Variants in RPS6KC1 observed in about 807,000 individuals in gnomAD.
RPS6KC1 encodes the protein inactive ribosomal protein S6 kinase delta-1.
In RPS6KC1, 54 loss-of-function variants were observed where a neutral mutation model predicts 103.8. The ratio of observed to expected loss-of-function variants is 0.52; its 90% CI spans 0.42 to 0.65. The LOEUF (loss-of-function observed/expected upper bound fraction) is 0.65. Ranked by LOEUF, RPS6KC1 falls within the 30% of genes least tolerant of loss-of-function variation. RPS6KC1 has a pLI of 0.00. For synonymous variants in RPS6KC1, 439 were observed against 438.7 expected, an observed-to-expected ratio of 1.00 and a Z score of -0.01; for missense variants, 1,151 against 1,253.8, an observed-to-expected ratio of 0.92 and a Z score of 1.24.
the RPS6KC1 span, among the ~76,000 whole-genome samples, chr1:213,862,235 A>G: frequency 2.0e-5 from 3 of 152,238 alleles, no homozygotes; most frequent in Non-Finnish European, 2.9e-5. Context: ...GTGGAAATGA[A>G]GAGGATCGTG....
chr1:213,777,237 G>A, the RPS6KC1 span, among the ~76,000 whole-genome samples: 1 of 152,122 alleles, frequency 6.6e-6, no homozygotes, highest in Non-Finnish European at 1.5e-5. Flanking sequence ...TTTGGCGTTT[G>A]TTGGCATTTG....
At chr1:213,675,529 G>A in the RPS6KC1 span, among the ~76,000 whole-genome samples, 16,570 of 152,136 alleles carry the variant, frequency 0.11, 1,093 homozygotes, top group Non-Finnish European at 0.14. Context: ...ATTTTTGTTG[G>A]TCTTACCCCT....
chr1:213,207,605 C>G (rs2093386591), intron 8 of RPS6KC1, among the ~76,000 whole-genome samples: 1 of 152,016 alleles, frequency 6.6e-6, no homozygotes, highest in Non-Finnish European at 1.5e-5. Context: ...TCATTTGTCC[C>G]TTCTTAGAGT....
At chr1:213,636,384 C>T in the RPS6KC1 span, among the ~76,000 whole-genome samples, 1 of 152,150 alleles carries the variant, frequency 6.6e-6, no homozygotes, top group African/African-American at 2.4e-5. Context: ...GCTACAGTAA[C>T]CAAAACAGCA....
chr1:213,359,009 A>T, the RPS6KC1 span, among the ~76,000 whole-genome samples: 6 of 152,132 alleles, frequency 3.9e-5, no homozygotes, highest in Non-Finnish European at 8.8e-5. Flanking sequence ...CTGTGGTGTG[A>T]TGCTGAGAAG....
At chr1:213,407,426 C>G in the RPS6KC1 span, among the ~76,000 whole-genome samples, 2 of 152,118 alleles carry the variant, frequency 1.3e-5, no homozygotes, top group African/African-American at 4.8e-5. Flanking sequence ...GAAGAAGGGA[C>G]TGAGAGTGAG....
the RPS6KC1 span, among the ~76,000 whole-genome samples, chr1:213,425,203 C>T: frequency 1.3e-5 from 2 of 152,162 alleles, no homozygotes; most frequent in Admixed American, 6.5e-5. Context: ...ATAACAACAG[C>T]AGCAGCTCTC....
At chr1:213,073,729 G>T (rs2079068098) in intron 2 of RPS6KC1, among the ~76,000 whole-genome samples, 1 of 152,080 alleles carries the variant, frequency 6.6e-6, no homozygotes, top group African/African-American at 2.4e-5. Flanking sequence ...AGACTGGAGT[G>T]CAGTGGCATG....
At chr1:213,773,294 T>C in the RPS6KC1 span, among the ~76,000 whole-genome samples, 1 of 151,622 alleles carries the variant, frequency 6.6e-6, no homozygotes, top group African/African-American at 2.4e-5. Context: ...AAGGTGACCA[T>C]GGAGGTTTCC....
chr1:213,135,769 T>G (rs2086202159), intron 6 of RPS6KC1, among the ~76,000 whole-genome samples: 1 of 152,330 alleles, frequency 6.6e-6, no homozygotes, highest in South Asian at 2.1e-4. Flanking sequence ...ATCCAGGAAG[T>G]GTCTGCCAAT....
intron 1 of RPS6KC1, among the ~76,000 whole-genome samples, chr1:213,064,495 G>A (rs2078126044): frequency 6.6e-6 from 1 of 151,378 alleles, no homozygotes; most frequent in Non-Finnish European, 1.5e-5. Flanking sequence ...AGTCTCCCTA[G>A]TAGCTGGGAT....
rs1191478827 is a variant in RPS6KC1 at position 213,242,672 on chromosome 1, C to T, written c.2911+14C>T. On this transcript the variant is annotated intron_variant, in intron 12 of 14. Transcript: ENST00000366960. ...ACTGTGCCCCAGGTTAGAGCAATCT[C>T]CTAAAATGTTTCACTTGAAAAAGTG... 36 of 1,589,312 alleles carry T rather than the reference C, an allele frequency of 2.3e-5. No individual in the cohort carries two copies. Among genetic ancestry groups the T allele is most frequent in the Non-Finnish European group, 3.0e-5 (35 of 1,162,106 alleles).
chr1:213,819,635 G>A, the RPS6KC1 span: 1 of 152,174 alleles, frequency 6.6e-6, no homozygotes, highest in African/African-American at 2.4e-5. Context: ...CCTCTGTGAG[G>A]TTTTGTGAAA....
At chr1:213,623,384 T>A in the RPS6KC1 span, among the ~76,000 whole-genome samples, 1 of 152,140 alleles carries the variant, frequency 6.6e-6, no homozygotes, top group Non-Finnish European at 1.5e-5. Flanking sequence ...TTTAGTGAAT[T>A]GAGTCAATCA....
intron 6 of RPS6KC1, among the ~76,000 whole-genome samples, chr1:213,144,371 A>C (rs554658520): frequency 4.6e-5 from 7 of 152,112 alleles, no homozygotes; most frequent in Admixed American, 2.6e-4. Flanking sequence ...AAACTCCTGA[A>C]CTCAAGTGAT....
chr1:213,217,792 T>G (rs1324834246), intron 8 of RPS6KC1, among the ~76,000 whole-genome samples: 2 of 152,204 alleles, frequency 1.3e-5, no homozygotes, highest in African/African-American at 4.8e-5. Flanking sequence ...CCTCAATAGA[T>G]GCAGAAAAGG....
At chr1:213,267,473 T>C (rs1270409013) in intron 14 of RPS6KC1, among the ~76,000 whole-genome samples, 1 of 151,906 alleles carries the variant, frequency 6.6e-6, no homozygotes, top group Admixed American at 6.6e-5. Flanking sequence ...ATATACTATC[T>C]AAAATGTCCT....
the RPS6KC1 span, among the ~76,000 whole-genome samples, chr1:213,473,446 G>C: frequency 6.6e-6 from 1 of 152,350 alleles, no homozygotes; most frequent in African/African-American, 2.4e-5. Context: ...TCTTGCCAAT[G>C]TGAGGGGGGT....
chr1:213,098,699 G>T (rs1284401750), intron 3 of RPS6KC1, among the ~76,000 whole-genome samples: 1 of 152,026 alleles, frequency 6.6e-6, no homozygotes, highest in African/African-American at 2.4e-5. Context: ...TATTGCAAAT[G>T]CCAGTACCAA....
Sources: allele counts gnomAD v4.1 joint callset (sites outside exome capture counted in the v4.1 genomes callset), GRCh38; gene constraint gnomAD v4.1.1; transcripts MANE v1.5; gene names NCBI Gene and HGNC (gene_info 2026-07-23, HGNC 2026-07-21).